Variants in RPS6KC1 observed in about 807,000 individuals in gnomAD.
RPS6KC1 encodes inactive ribosomal protein S6 kinase delta-1.
A neutral mutation model predicts 103.8 loss-of-function variants in RPS6KC1; 54 were observed. The ratio of observed to expected loss-of-function variants is 0.52; its 90% CI spans 0.42 to 0.65. The LOEUF is 0.65. Among genes scored for constraint, RPS6KC1 ranks in the 30% least tolerant of loss-of-function variants. The pLI is 0.00. For missense variants in RPS6KC1, 1,151 were observed against 1,253.8 expected, an observed-to-expected ratio of 0.92 and a Z score of 1.24; for synonymous variants, 439 against 438.7, an observed-to-expected ratio of 1.00 and a Z score of -0.01.
At chr1:213,472,131 T>G in the RPS6KC1 span, among the ~76,000 whole-genome samples, 1 of 152,232 alleles carries the variant, frequency 6.6e-6, no homozygotes, top group African/African-American at 2.4e-5. Flanking sequence ...GAGTGGTTAC[T>G]TCCTTTATTG....
chr1:213,688,499 G>A, the RPS6KC1 span, among the ~76,000 whole-genome samples: 3 of 152,144 alleles, frequency 2.0e-5, no homozygotes, highest in East Asian at 5.8e-4. Context: ...ACCTCTCCAG[G>A]TAGGGAGCAA....
chr1:213,110,500 T>G (rs960935592), intron 4 of RPS6KC1, among the ~76,000 whole-genome samples: 2 of 152,250 alleles, frequency 1.3e-5, no homozygotes, highest in Non-Finnish European at 2.9e-5. Context: ...AATTCTAATT[T>G]TATTTTTAAG....
At chr1:213,505,630 C>A in the RPS6KC1 span, among the ~76,000 whole-genome samples, 1 of 152,172 alleles carries the variant, frequency 6.6e-6, no homozygotes, top group African/African-American at 2.4e-5. Context: ...ATGTACACAG[C>A]ATTTACCATG....
At chr1:213,571,330 G>A in the RPS6KC1 span, among the ~76,000 whole-genome samples, 1 of 152,194 alleles carries the variant, frequency 6.6e-6, no homozygotes, top group Non-Finnish European at 1.5e-5. Context: ...TGCCCTTAGG[G>A]AACTTACATC....
the RPS6KC1 span, among the ~76,000 whole-genome samples, chr1:213,437,156 A>G: frequency 1.3e-5 from 2 of 152,088 alleles, no homozygotes; most frequent in Non-Finnish European, 2.9e-5. Context: ...GATCCCCTTT[A>G]TCAAATTAAG....
At chr1:213,509,763 C>T in the RPS6KC1 span, among the ~76,000 whole-genome samples, 1 of 152,304 alleles carries the variant, frequency 6.6e-6, no homozygotes, top group African/African-American at 2.4e-5. Flanking sequence ...CAGACACAAA[C>T]TTTAATGCTA....
At chr1:213,246,012 A>G (rs1280108114) in intron 12 of RPS6KC1, among the ~76,000 whole-genome samples, 2 of 152,186 alleles carry the variant, frequency 1.3e-5, no homozygotes, top group Non-Finnish European at 2.9e-5. Context: ...TATATTAAAG[A>G]AAACAAATCC....
chr1:213,089,431 A>C (rs1049714643), intron 3 of RPS6KC1, among the ~76,000 whole-genome samples: 3 of 149,640 alleles, frequency 2.0e-5, no homozygotes, highest in Non-Finnish European at 3.0e-5. Context: ...TCCCATTGCA[A>C]CTACTACCTC....
At chr1:213,700,394 C>T in the RPS6KC1 span, among the ~76,000 whole-genome samples, 1 of 151,966 alleles carries the variant, frequency 6.6e-6, no homozygotes, top group Non-Finnish European at 1.5e-5. Flanking sequence ...CTGTTTTGCT[C>T]CATTGGCCCA....
At chr1:213,526,340 A>G in the RPS6KC1 span, among the ~76,000 whole-genome samples, 197 of 152,274 alleles carry the variant, frequency 1.3e-3, 1 homozygote, top group African/African-American at 4.6e-3. Context: ...TACTGGATGA[A>G]GGAAGTGTAG....
chr1:213,509,731 T>C, the RPS6KC1 span, among the ~76,000 whole-genome samples: 1 of 152,224 alleles, frequency 6.6e-6, no homozygotes, highest in East Asian at 1.9e-4. Context: ...ATTAATACAT[T>C]TTATAATGTT....
the RPS6KC1 span, among the ~76,000 whole-genome samples, chr1:213,590,850 T>C: frequency 6.6e-6 from 1 of 152,188 alleles, no homozygotes; most frequent in Non-Finnish European, 1.5e-5. Context: ...CTACTCCTTC[T>C]GTCTTCAGAG....
chr1:213,196,376 G>A (rs989723386), intron 8 of RPS6KC1, among the ~76,000 whole-genome samples: 3 of 151,860 alleles, frequency 2.0e-5, no homozygotes, highest in African/African-American at 7.3e-5. Context: ...TAGATTCTCC[G>A]TATTAGTCCT....
chr1:213,336,397 A>G, the RPS6KC1 span, among the ~76,000 whole-genome samples: 1 of 152,188 alleles, frequency 6.6e-6, no homozygotes, highest in East Asian at 1.9e-4. Context: ...ACTTCTTATT[A>G]AATCCCTCTA....
chr1:213,073,513 A>G (rs2079052652), intron 2 of RPS6KC1, among the ~76,000 whole-genome samples: 1 of 152,202 alleles, frequency 6.6e-6, no homozygotes, highest in African/African-American at 2.4e-5. Flanking sequence ...CCTTTTTTAA[A>G]CAAATTAACC....
intron 8 of RPS6KC1, among the ~76,000 whole-genome samples, chr1:213,223,749 T>C (rs2093893506): frequency 6.6e-6 from 1 of 152,224 alleles, no homozygotes; most frequent in African/African-American, 2.4e-5. Context: ...TTGGATAGAA[T>C]GGTAGTTCTA....
intron 14 of RPS6KC1, 152 bp from the exon 15 acceptor site, chr1:213,272,372 A>G (rs548760758): frequency 2.8e-4 from 172 of 621,336 alleles, no homozygotes; most frequent in Non-Finnish European, 4.4e-4. Context: ...GGTATTAGAC[A>G]TAGCTCCCTT....
chr1:213,174,639 C>T (rs2091733789), intron 7 of RPS6KC1, among the ~76,000 whole-genome samples: 1 of 137,870 alleles, frequency 7.3e-6, no homozygotes, highest in African/African-American at 2.8e-5. Flanking sequence ...CGCTGCACTC[C>T]AGCCTGGGCG....
chr1:213,701,528 A>C, the RPS6KC1 span, among the ~76,000 whole-genome samples: 504 of 152,126 alleles, frequency 3.3e-3, 2 homozygotes, highest in Non-Finnish European at 5.9e-3. Context: ...TTCAGCAGTG[A>C]AGCCAACAGA....
Sources: gnomAD v4.1 joint callset for allele counts (sites outside exome capture counted in the v4.1 genomes callset) on GRCh38, gnomAD v4.1.1 for gene constraint, MANE v1.5 for transcripts, NCBI Gene and HGNC (gene_info 2026-07-23, HGNC 2026-07-21) for gene names.